The following SKI variants were observed in gnomAD, a reference collection of about 807,000 sequenced individuals.
SKI encodes the protein SKI proto-oncogene, also known as ski oncogene.
A neutral mutation model predicts 59.3 loss-of-function variants in SKI; 23 were observed. The ratio of observed to expected loss-of-function variants is 0.39; its 90% CI spans 0.28 to 0.55. The LOEUF (loss-of-function observed/expected upper bound fraction) is 0.55, where lower values mean the gene tolerates loss of function less well. SKI is among the 20% of genes least tolerant of loss of function. The probability of loss-of-function intolerance (pLI) is 0.67; values close to 1 mark genes in which losing one functional copy is unlikely to be tolerated. For synonymous variants in SKI, 673 were observed against 488.6 expected, an observed-to-expected ratio of 1.38 and a Z score of -4.98; for missense variants, 1,017 against 1,038.9, an observed-to-expected ratio of 0.98 and a Z score of 0.29.
intron 1 of SKI, among the ~76,000 whole-genome samples, chr1:2,289,003 G>T (rs568953646): frequency 2.0e-5 from 3 of 152,212 alleles, no homozygotes; most frequent in African/African-American, 7.2e-5. Context: ...TGGTTTTCCC[G>T]AATCGCATGC....
chr1:2,243,196 T>C (rs1342281487), intron 1 of SKI, among the ~76,000 whole-genome samples: 4 of 152,252 alleles, frequency 2.6e-5, no homozygotes, highest in African/African-American at 7.2e-5. Context: ...GTCTGGGGCA[T>C]GGGCCGTGTT....
intron 1 of SKI, among the ~76,000 whole-genome samples, chr1:2,260,409 C>A (rs1484933813): frequency 1.3e-5 from 2 of 152,050 alleles, no homozygotes; most frequent in African/African-American, 4.8e-5. Context: ...GATGCAAGTC[C>A]CTTTTCACAT....
chr1:2,288,122 G>A (rs1339168946), intron 1 of SKI, among the ~76,000 whole-genome samples: 2 of 152,112 alleles, frequency 1.3e-5, no homozygotes, highest in African/African-American at 4.8e-5. Context: ...CCAAGTAGCT[G>A]GGATCACAGG....
intron 1 of SKI, among the ~76,000 whole-genome samples, chr1:2,271,324 C>T (rs1449682003): frequency 1.3e-5 from 2 of 151,912 alleles, no homozygotes; most frequent in Non-Finnish European, 2.9e-5. Context: ...CCGCAGGGGG[C>T]TGCTCCCTGT....
At chr1:2,241,983 CTGTGTGTACG>C (rs1557815106) in intron 1 of SKI, among the ~76,000 whole-genome samples, 1 of 151,850 alleles carries the variant, frequency 6.6e-6, no homozygotes, top group Non-Finnish European at 1.5e-5. Context: ...CTGTGTGTGC[CTGTGTGTACG>C]TGTGTGGTGC....
chr1:2,289,009 C>T (rs1269541876), intron 1 of SKI, among the ~76,000 whole-genome samples: 1 of 152,238 alleles, frequency 6.6e-6, no homozygotes, highest in African/African-American at 2.4e-5. Flanking sequence ...TCCCGAATCG[C>T]ATGCACCTGT....
At chr1:2,277,856 C>T (rs552044196) in intron 1 of SKI, among the ~76,000 whole-genome samples, 61 of 139,018 alleles carry the variant, frequency 4.4e-4, no homozygotes, top group Non-Finnish European at 7.1e-4. Context: ...GACGGACATA[C>T]GTGCACACAC....
intron 1 of SKI, among the ~76,000 whole-genome samples, chr1:2,263,234 ATT>A (rs35975887): frequency 0.51 from 59,542 of 117,832 alleles, 13,757 homozygotes; most frequent in East Asian, 0.68. Context: ...TTTGCTTAGA[ATT>A]TTTTTTTTTT....
chr1:2,280,123 C>T (rs919492788), intron 1 of SKI, among the ~76,000 whole-genome samples: 3 of 151,782 alleles, frequency 2.0e-5, no homozygotes, highest in Non-Finnish European at 2.9e-5. Context: ...AATCCCAGCA[C>T]TTTTGGGAGG....
intron 1 of SKI, among the ~76,000 whole-genome samples, chr1:2,233,661 T>C (rs1354146973): frequency 6.6e-6 from 1 of 152,098 alleles, no homozygotes; most frequent in Non-Finnish European, 1.5e-5. Context: ...CAGGCAGCGT[T>C]TCTTCAGGCA....
intron 5 of SKI, among the ~76,000 whole-genome samples, chr1:2,304,867 G>A (rs1183984935): frequency 6.6e-6 from 1 of 152,244 alleles, no homozygotes; most frequent in Non-Finnish European, 1.5e-5. Context: ...CACACACCCT[G>A]CGTGGTGGCC....
In SKI at chr1:2,303,025, C is replaced by G; in HGVS notation, c.1017C>G (p.Thr339=). The G allele has an allele frequency of 6.2e-7, 1 of 1,613,748 alleles. No individual in the cohort carries two copies. ...CCATAAGACCCAAAACAGATGACAC[C>G]TCTTCCCAGTCCCCCGCGCCTTCCG... ...PASIRPKTDD[T]SSQSPAPSEK... is the part of the protein sequence containing the mutation. The change falls in exon 2 of 7, where the codon ACC becomes ACG. Residue 339 remains threonine, a synonymous_variant. Transcript: ENST00000378536. This position sits in a 1 kb window ranked among gnomAD's most constrained non-coding sequence, Gnocchi z 5.6.
rs74658298 is a variant in SKI, at chr1:2,240,802, G to A, written c.969+11067G>A. ...GTTGTTCGTGAGTCAGGTGAGAGGC[G>A]CGAGAAACCACAGCTCTTAGGAAAA... On this transcript the variant is annotated intron_variant, in intron 1 of 6. Coordinates refer to ENST00000378536, the MANE Select transcript of SKI (RefSeq NM_003036.4). 2.5e-3 allele frequency: 2,416 copies of A among 985,372 alleles called. 38 individuals carry two copies. The African/African-American group carries it at 0.034, about 14-fold the overall frequency. The allele number at this position is 985,372 out of a possible 1,614,324, so 61.0% of individuals were successfully genotyped here.
At chr1:2,279,136 C>T (rs941028757) in intron 1 of SKI, among the ~76,000 whole-genome samples, 9 of 152,222 alleles carry the variant, frequency 5.9e-5, no homozygotes, top group African/African-American at 2.2e-4. Flanking sequence ...CTGGGCCCTC[C>T]ACCGCCCCAT....
At chr1:2,293,423 C>T (rs1007507957) in intron 1 of SKI, among the ~76,000 whole-genome samples, 54 of 102,088 alleles carry the variant, frequency 5.3e-4, no homozygotes, top group African/African-American at 1.9e-3. Context: ...GAAGCCAGGG[C>T]GAGGCCCCCC....
chr1:2,287,352 T>TTG (rs1297787160), intron 1 of SKI, among the ~76,000 whole-genome samples: 1 of 151,436 alleles, frequency 6.6e-6, no homozygotes, highest in Non-Finnish European at 1.5e-5. Flanking sequence ...TTTTTTTTTT[T>TTG]TTGAGACTGA....
Position 2,268,832 on chromosome 1 carries a change from C to T in SKI, c.970-34146C>T, listed in dbSNP as rs1052172599. Reference sequence around the variant, plus strand: ...CAGAGAGCCCCAGCTGCTGTGCTGCCGTATTCTGATTCCTTCTTCCCTCCC... The same window carrying T: ...CAGAGAGCCCCAGCTGCTGTGCTGCTGTATTCTGATTCCTTCTTCCCTCCC... On this transcript the variant is annotated intron_variant, in intron 1 of 6. Coordinates refer to ENST00000378536, the MANE Select transcript of SKI (RefSeq NM_003036.4). The surrounding 1 kb of genome is among the most constrained non-coding windows in gnomAD (Gnocchi z 5.0). 4.6e-5 allele frequency among the ~76,000 whole-genome samples: 7 copies of T among 152,158 alleles called. No homozygotes were observed. The highest frequency in any genetic ancestry group is 2.1e-4 in the South Asian group (1 of 4,832).
intron 1 of SKI, among the ~76,000 whole-genome samples, chr1:2,283,198 G>A (rs1461085399): frequency 6.6e-6 from 1 of 152,252 alleles, no homozygotes; most frequent in Non-Finnish European, 1.5e-5. Context: ...GGGTGCCGGT[G>A]CGCCCCTCCT....
In SKI at chr1:2,303,229, C is replaced by T. The variant is rs531122585; in HGVS notation, c.1096-56C>T. Reference sequence around the variant, plus strand: ...CTGGCACCCGGCGCAGCCTCAGGGACATGAAGTGGCTTGTTTTTCTCCTGG... The same window carrying T: ...CTGGCACCCGGCGCAGCCTCAGGGATATGAAGTGGCTTGTTTTTCTCCTGG... On this transcript the variant is annotated intron_variant, in intron 2 of 6. Coordinates refer to ENST00000378536, the MANE Select transcript of SKI (RefSeq NM_003036.4). This position sits in a 1 kb window ranked among gnomAD's most constrained non-coding sequence, Gnocchi z 5.6. 97 of 1,601,904 alleles carry T rather than the reference C, an allele frequency of 6.1e-5. No homozygotes were observed. In the African/African-American group the frequency reaches 1.1e-3, roughly 19 times the overall value.
Sources: gnomAD v4.1 joint callset for allele counts (sites outside exome capture counted in the v4.1 genomes callset) on GRCh38, gnomAD v4.1.1 for gene constraint, Gnocchi (gnomAD v3.1) non-coding constraint, MANE v1.5 for transcripts, NCBI Gene and HGNC (gene_info 2026-07-23, HGNC 2026-07-21) for gene names.